TUSC2: variants seen among roughly 807,000 people sequenced by gnomAD.
The protein encoded by TUSC2 is tumor suppressor 2, mitochondrial calcium regulator, also known as tumor suppressor candidate 2.
In TUSC2, 7 loss-of-function variants were observed where a neutral mutation model predicts 11.5. The observed-to-expected ratio is 0.61, with a 90% CI of 0.35 to 1.14. The LOEUF (loss-of-function observed/expected upper bound fraction) is 1.14. TUSC2 is among the 50% of genes most tolerant of loss of function. The pLI is 0.03. For missense variants in TUSC2, 132 were observed against 155.0 expected (o/e 0.85, Z 0.79); for synonymous variants, 61 against 64.1 (o/e 0.95, Z 0.23).
chr3:50,327,864 A>G, intron 1 of TUSC2, 90 bp downstream of exon 1: 1 of 1,353,252 alleles, frequency 7.4e-7, no homozygotes. Flanking sequence ...GCTTGGCTGT[A>G]GTGGGGTACA....
At position 50,325,970 on chromosome 3, in the gene TUSC2, AC is replaced by A. The variant is rs1477596976; in HGVS notation, c.*150del. On this transcript the variant is annotated 3_prime_UTR_variant, in exon 3 of 3. Coordinates refer to ENST00000232496, the MANE Select transcript of TUSC2 (RefSeq NM_007275.3). The surrounding 1 kb of genome is among the most constrained non-coding windows in gnomAD (Gnocchi z 5.1). ...ACCAACACCCAACCAATACTGTGGG[AC>A]CGACCCGCTCACAGCTGAAGGTTAT... is the stretch of plus-strand genomic sequence containing the variant. 10 of 957,562 alleles carry A rather than the reference AC, an allele frequency of 1.0e-5. No individual in the cohort carries two copies. Among genetic ancestry groups the A allele is most frequent in the South Asian group, 9.7e-5 (6 of 61,658 alleles). 59.3% of individuals were successfully genotyped at this position (957,562 alleles called of 1,614,324 possible). A position where few individuals can be genotyped will look rare whatever the true frequency, so the allele number is the denominator to read the frequency against.
intron 1 of TUSC2, chr3:50,327,324 C>A (rs1553717505): frequency 2.0e-5 from 9 of 445,802 alleles, no homozygotes; most frequent in Non-Finnish European, 4.5e-6. Flanking sequence ...GTGTCTACAG[C>A]CAAATCTCTA....
In TUSC2 at chr3:50,328,026, G is replaced by A. The variant is rs1702813304; in HGVS notation, c.74C>T (p.Ala25Val). ...ASAAGGGGSE[A>V]AGAEQALVRP... Reference sequence around the variant, plus strand: ...CACCAAAGCTTGCTCAGCTCCTGCTGCCTCTGAGCCGCCGCCTCCGGCCGC... The same window carrying A: ...CACCAAAGCTTGCTCAGCTCCTGCTACCTCTGAGCCGCCGCCTCCGGCCGC... The change falls in exon 1 of 3, where the codon GCA becomes GTA. Residue 25 changes from alanine to valine, a missense_variant. By Grantham distance (64) the Ala-to-Val change is moderately conservative. Transcript: ENST00000232496. 2 of 1,510,208 alleles carry A rather than the reference G, an allele frequency of 1.3e-6. No individual in the cohort carries two copies. The highest frequency in any genetic ancestry group is 1.4e-5 in the African/African-American group (1 of 69,100). The allele number at this position is 1,510,208 out of a possible 1,614,324, so 93.6% of individuals were successfully genotyped here. A position where few individuals can be genotyped will look rare whatever the true frequency, so the allele number is the denominator to read the frequency against.
chr3:50,327,151 G>A (rs1553717485), intron 1 of TUSC2: 1 of 456,704 alleles, frequency 2.2e-6, no homozygotes, highest in Non-Finnish European at 4.4e-6. Context: ...CAGGGTGGTG[G>A]CCTGGGCATG....
rs587594258 is a variant in TUSC2 at position 50,328,158 on chromosome 3, A to C, written c.-59T>G. 674 of 1,334,414 alleles carry C rather than the reference A, an allele frequency of 5.1e-4. 3 individuals carry two copies. The African/African-American group carries it at 9.7e-3, about 19-fold the overall frequency. The allele number at this position is 1,334,414 out of a possible 1,614,324, so 82.7% of individuals were successfully genotyped here. On this transcript the variant is annotated 5_prime_UTR_variant, in exon 1 of 3. Coordinates refer to ENST00000232496, the MANE Select transcript of TUSC2 (RefSeq NM_007275.3). ...CCGCTCTGCTCACACCGCAGTCCGC[A>C]CTACCATAACCTGCCCCAGCCGCTG...
Position 50,326,111 on chromosome 3 carries a change from C to T in TUSC2, c.*10G>A, listed in dbSNP as rs1553717355. On this transcript the variant is annotated 3_prime_UTR_variant, in exon 3 of 3. Transcript: ENST00000232496. ...GGGCAGGGGGTGCTTCTGTCTGCCA[C>T]CTCCCAGGGTCACACCTCATAGAGG... The T allele has an allele frequency of 6.3e-7, 1 of 1,578,190 alleles. No homozygotes were observed. The highest frequency in any genetic ancestry group is 1.3e-5 in the African/African-American group (1 of 74,390).
chr3:50,327,268 C>G (rs1553717502), intron 1 of TUSC2: 1 of 456,292 alleles, frequency 2.2e-6, no homozygotes, highest in South Asian at 1.5e-5. Context: ...CTCCCCTGAC[C>G]CCACACCCCA....
intron 1 of TUSC2, chr3:50,327,073 G>A (rs1170694283): frequency 4.5e-6 from 2 of 445,068 alleles, no homozygotes; most frequent in Non-Finnish European, 9.1e-6. Flanking sequence ...TCTCATCCTT[G>A]ATTTGTTCAG....
In TUSC2 at chr3:50,328,094, G is replaced by T. The variant is rs887726932; in HGVS notation, c.6C>A (p.Gly2=). ...GGCCCCGAGCTTTGGACCCGCTGGCGCCCATGTCAGGGCCGCCGGCGCATG... is the reference window on the plus strand; with the variant it reads ...GGCCCCGAGCTTTGGACCCGCTGGCTCCCATGTCAGGGCCGCCGGCGCATG... The part of the protein sequence containing the change: M[G]ASGSKARGLW... The change falls in exon 1 of 3, where the codon GGC becomes GGA. Residue 2 remains glycine (G), a synonymous_variant. Transcript: ENST00000232496. The T allele has an allele frequency of 3.6e-6, 5 of 1,394,262 alleles. No homozygotes were observed. The highest frequency in any genetic ancestry group is 4.7e-6 in the Non-Finnish European group (5 of 1,074,586). 86.4% of individuals were successfully genotyped at this position (1,394,262 alleles called of 1,614,324 possible). A position where few individuals can be genotyped will look rare whatever the true frequency, so the allele number is the denominator to read the frequency against.
At position 50,327,937 on chromosome 3, in the gene TUSC2, G is replaced by T; in HGVS notation, c.146+17C>A. Reference sequence around the variant, plus strand: ...GCCCGCCTGTTCCCCCCGCCAGGGTGGAACCCATGCCCTTACCCGCGGCGC... The same window carrying T: ...GCCCGCCTGTTCCCCCCGCCAGGGTTGAACCCATGCCCTTACCCGCGGCGC... On this transcript the variant is annotated intron_variant, in intron 1 of 2. Transcript: ENST00000232496. 3 of 1,495,970 alleles carry T rather than the reference G, an allele frequency of 2.0e-6. No homozygotes were observed. The highest frequency in any genetic ancestry group is 2.7e-6 in the Non-Finnish European group (3 of 1,124,990). The allele number at this position is 1,495,970 out of a possible 1,614,324, so 92.7% of individuals were successfully genotyped here.
chr3:50,325,917 C>T lies in TUSC2; in HGVS notation c.*204G>A, dbSNP rs1274173814. On this transcript the variant is annotated 3_prime_UTR_variant, in exon 3 of 3. Transcript: ENST00000232496. This position sits in a 1 kb window ranked among gnomAD's most constrained non-coding sequence, Gnocchi z 5.1. ...TAACTCTGCCATTAGCCTTCACCAC[C>T]CACCAACCACCTCTTGTCCACACAC... is the stretch of plus-strand genomic sequence containing the variant. The T allele has an allele frequency of 1.5e-6, 1 of 653,378 alleles. No homozygotes were observed. The highest frequency in any genetic ancestry group is 1.8e-5 in the African/African-American group (1 of 54,640). The allele number at this position is 653,378 out of a possible 1,614,324, so 40.5% of individuals were successfully genotyped here. A position where few individuals can be genotyped will look rare whatever the true frequency, so the allele number is the denominator to read the frequency against.
chr3:50,326,141 C>T lies in TUSC2; in HGVS notation c.313G>A (p.Val105Met). Residue 105 changes from valine to methionine, a missense_variant, in exon 3 of 3, where the codon GTG becomes ATG. By Grantham distance (21) the Val-to-Met change is conservative (BLOSUM62 1). Around this residue, in one of 3 missense-constraint regions of TUSC2, gnomAD observed 65 missense variants for 94.0 expected, o/e 0.69. Transcript: ENST00000232496. ...CAGGGTCACACCTCATAGAGGATCA[C>T]AGGGAAATCCACGTGGATGCGGGGG... ...DHPRIHVDFP[V>M]ILYEV The T allele has an allele frequency of 6.3e-7, 1 of 1,594,306 alleles. No homozygotes were observed. The highest frequency in any genetic ancestry group is 8.5e-7 in the Non-Finnish European group (1 of 1,170,510).
In TUSC2 at chr3:50,328,195, C is replaced by T. The variant is rs1553717691; in HGVS notation, c.-96G>A. The T allele has an allele frequency of 1.8e-5, 22 of 1,218,626 alleles. No homozygotes were observed. The highest frequency in any genetic ancestry group is 2.3e-5 in the Non-Finnish European group (22 of 954,058). The allele number at this position is 1,218,626 out of a possible 1,614,324, so 75.5% of individuals were successfully genotyped here. A position where few individuals can be genotyped will look rare whatever the true frequency, so the allele number is the denominator to read the frequency against. On this transcript the variant is annotated 5_prime_UTR_variant, in exon 1 of 3. Coordinates refer to ENST00000232496, the MANE Select transcript of TUSC2 (RefSeq NM_007275.3). ...TGCCCCAGCCGCTGATCGCAGGTGC[C>T]GCCGCCGCCGCCTTCCGCAGGCTCG...
intron 1 of TUSC2, 25 bp downstream of exon 1, chr3:50,327,929 G>A: frequency 4.2e-6 from 6 of 1,442,382 alleles, no homozygotes; most frequent in Non-Finnish European, 5.5e-6. Flanking sequence ...TGTTCCCCCC[G>A]CCAGGGTGGA....
intron 1 of TUSC2, 55 bp downstream of exon 1, chr3:50,327,899 G>A: frequency 7.2e-7 from 1 of 1,382,108 alleles, no homozygotes; most frequent in Non-Finnish European, 9.4e-7. Context: ...CCCGTGGCGC[G>A]GGACGCCTGG....
intron 1 of TUSC2, chr3:50,326,977 T>G: frequency 3.0e-6 from 1 of 331,776 alleles, no homozygotes; most frequent in Non-Finnish European, 6.0e-6. Flanking sequence ...GGAAGTGAGG[T>G]GATGGGTGGG....
chr3:50,325,852 G>A lies in TUSC2; in HGVS notation c.*269C>T. The A allele has an allele frequency of 1.8e-6, 1 of 542,012 alleles. No individual in the cohort carries two copies. Among genetic ancestry groups the A allele is most frequent in the Non-Finnish European group, 3.3e-6 (1 of 299,744 alleles). 33.6% of individuals were successfully genotyped at this position (542,012 alleles called of 1,614,324 possible). A position where few individuals can be genotyped will look rare whatever the true frequency, so the allele number is the denominator to read the frequency against. On this transcript the variant is annotated 3_prime_UTR_variant, in exon 3 of 3. Transcript: ENST00000232496. This position sits in a 1 kb window ranked among gnomAD's most constrained non-coding sequence, Gnocchi z 5.1. ...GGCATTCCTGACTGGTATATGCCCT[G>A]CTGTGCTGCTTGCAGGGGTGGCTTG...
intron 1 of TUSC2, 127 bp downstream of exon 1, chr3:50,327,827 G>A (rs1394646799): frequency 3.8e-5 from 49 of 1,297,516 alleles, no homozygotes; most frequent in African/African-American, 1.9e-4. Flanking sequence ...CAGCTCCAAT[G>A]AGGCTCAAAA....
intron 1 of TUSC2, 63 bp downstream of exon 1, chr3:50,327,891 C>T (rs1702809465): frequency 7.2e-7 from 1 of 1,385,998 alleles, no homozygotes. Flanking sequence ...GAAGTTCCCC[C>T]GTGGCGCGGG....
Sources: gnomAD v4.1 joint callset for allele counts on GRCh38, gnomAD v4.1.1 for gene constraint, gnomAD v4.1.1 regional missense constraint, Gnocchi (gnomAD v3.1) non-coding constraint, MANE v1.5 for transcripts, NCBI Gene and HGNC (gene_info 2026-07-23, HGNC 2026-07-21) for gene names.